The following NKD1 variants were observed in gnomAD, a reference collection of about 807,000 sequenced individuals.
NKD1 encodes the protein protein naked cuticle homolog 1.
NKD1 carries 21 observed loss-of-function variants against 56.0 expected under a neutral mutation model. The observed-to-expected ratio is 0.38, with a 90% CI of 0.27 to 0.54. The LOEUF is 0.54. Ranked by LOEUF, NKD1 falls within the 20% of genes least tolerant of loss-of-function variation. The probability of loss-of-function intolerance (pLI) is 0.82; values close to 1 mark genes in which losing one functional copy is unlikely to be tolerated. For synonymous variants in NKD1, 263 were observed against 265.7 expected, an observed-to-expected ratio of 0.99 and a Z score of 0.10; for missense variants, 578 against 642.7, an observed-to-expected ratio of 0.90 and a Z score of 1.09.
chr16:50,615,215 G>T (rs894142458), intron 4 of NKD1, among the ~76,000 whole-genome samples: 1 of 152,192 alleles, frequency 6.6e-6, no homozygotes, highest in Non-Finnish European at 1.5e-5. Flanking sequence ...TTGGGAAACT[G>T]GGATTTAGTT....
chr16:50,628,494 C>A (rs983779276), intron 6 of NKD1, among the ~76,000 whole-genome samples: 1 of 152,214 alleles, frequency 6.6e-6, no homozygotes, highest in African/African-American at 2.4e-5. Context: ...AAAATGTCTT[C>A]TCCAGAGGTT....
Position 50,630,812 on chromosome 16 carries a change from C to A in NKD1, c.611-14C>A. The A allele has an allele frequency of 1.9e-6, 3 of 1,579,548 alleles. No individual in the cohort carries two copies. Among genetic ancestry groups the A allele is most frequent in the Non-Finnish European group, 1.7e-6 (2 of 1,163,460 alleles). Reference sequence around the variant, plus strand: ...CTCACCTGGTGTCTCCTGTGCTTCTCGGGCCGGACTCAGACCTGCAGAGCG... The same window carrying A: ...CTCACCTGGTGTCTCCTGTGCTTCTAGGGCCGGACTCAGACCTGCAGAGCG... On this transcript the variant is annotated splice_polypyrimidine_tract_variant and intron_variant, in intron 7 of 9. Coordinates refer to ENST00000268459, the MANE Select transcript of NKD1 (RefSeq NM_033119.5).
At chr16:50,587,048 C>A (rs1024977997) in intron 3 of NKD1, among the ~76,000 whole-genome samples, 1 of 152,180 alleles carries the variant, frequency 6.6e-6, no homozygotes, top group African/African-American at 2.4e-5. Flanking sequence ...ATCAGCTCCA[C>A]GACTCGAAAG....
intron 3 of NKD1, among the ~76,000 whole-genome samples, chr16:50,568,676 C>T (rs1960817198): frequency 6.6e-6 from 1 of 152,100 alleles, no homozygotes; most frequent in African/African-American, 2.4e-5. Context: ...ATCTGGGCCT[C>T]CTTAGCAGGT....
At chr16:50,582,021 G>A (rs1412427172) in intron 3 of NKD1, among the ~76,000 whole-genome samples, 2 of 152,162 alleles carry the variant, frequency 1.3e-5, no homozygotes, top group Non-Finnish European at 2.9e-5. Context: ...GCTGTGTGTA[G>A]TTCTTGCCCA....
rs1962040960 is a variant in NKD1 at position 50,619,585 on chromosome 16, G to T, written c.260-2017G>T. ...GCCTCAGTTTTGAGAAAACTTAGCT[G>T]CTAACTGAGCTGTTCCCAGGAGTCA... is the stretch of plus-strand genomic sequence containing the variant. On this transcript the variant is annotated intron_variant, in intron 4 of 9. Coordinates refer to ENST00000268459, the MANE Select transcript of NKD1 (RefSeq NM_033119.5). 2.0e-5 allele frequency among the ~76,000 whole-genome samples: 3 copies of T among 152,192 alleles called. No homozygotes were observed. The South Asian group carries it at 6.2e-4, about 32-fold the overall frequency.
In NKD1 at chr16:50,633,343, C is replaced by T. The variant is rs149779305; in HGVS notation, c.975C>T (p.Ile325=). ...CCTTCCACTTCCTTGACACCCCAAT[C>T]GCCAAGGTCTCAGAGCTCCAGCAAC... The part of the protein sequence containing the change: ...PASFHFLDTP[I]AKVSELQQRL... The change falls in exon 10 of 10, where the codon ATC becomes ATT. Residue 325 remains isoleucine, a synonymous_variant. Coordinates refer to ENST00000268459, the MANE Select transcript of NKD1 (RefSeq NM_033119.5). This position sits in a 1 kb window ranked among gnomAD's most constrained non-coding sequence, Gnocchi z 4.9. 4.0e-5 allele frequency: 65 copies of T among 1,614,052 alleles called. 1 individual carries two copies. Among genetic ancestry groups the T allele is most frequent in the African/African-American group, 4.0e-5 (3 of 74,930 alleles).
At chr16:50,564,199 A>G (rs967439275) in intron 3 of NKD1, among the ~76,000 whole-genome samples, 4 of 152,186 alleles carry the variant, frequency 2.6e-5, no homozygotes, top group South Asian at 2.1e-4. Flanking sequence ...ATGGTGGGGA[A>G]TGATCATGGT....
chr16:50,617,192 C>T (rs1212567058), intron 4 of NKD1, among the ~76,000 whole-genome samples: 1 of 152,148 alleles, frequency 6.6e-6, no homozygotes, highest in Admixed American at 6.5e-5. Flanking sequence ...CCATTGGGCC[C>T]ATGGGGAGGC....
chr16:50,636,325 C>G lies in NKD1; in HGVS notation c.*2544C>G, dbSNP rs1284996823. 6 of 152,246 alleles carry G rather than the reference C, an allele frequency of 3.9e-5. No homozygotes were observed. Among genetic ancestry groups the G allele is most frequent in the African/African-American group, 1.4e-4 (6 of 41,468 alleles). The allele number at this position is 152,246 out of a possible 1,614,324, so 9.4% of individuals were successfully genotyped here. A position where few individuals can be genotyped will look rare whatever the true frequency, so the allele number is the denominator to read the frequency against. ...TCCTCTGCCTCCCTAAGCTCCACAC[C>G]TGTCAGGATTCTGTTACTTCTTGGT... is the stretch of plus-strand genomic sequence containing the variant. On this transcript the variant is annotated 3_prime_UTR_variant, in exon 10 of 10. Coordinates refer to ENST00000268459, the MANE Select transcript of NKD1 (RefSeq NM_033119.5).
chr16:50,566,264 C>T, intron 3 of NKD1: 2 of 742,564 alleles, frequency 2.7e-6, no homozygotes, highest in Non-Finnish European at 3.3e-6. Flanking sequence ...CTGGATCCAC[C>T]AGCCCAAACT....
At chr16:50,590,252 A>C (rs1373335623) in intron 3 of NKD1, among the ~76,000 whole-genome samples, 1 of 152,172 alleles carries the variant, frequency 6.6e-6, no homozygotes, top group African/African-American at 2.4e-5. Flanking sequence ...GCTTAACCTC[A>C]TCTCCCCATA....
Position 50,570,632 on chromosome 16 carries a change from G to A in NKD1, c.192+21077G>A, listed in dbSNP as rs535209127. Among the ~76,000 whole-genome samples, 25 of 152,346 alleles carry A rather than the reference G, an allele frequency of 1.6e-4. 1 individual carries two copies. The South Asian group carries it at 5.2e-3, about 32-fold the overall frequency. On this transcript the variant is annotated intron_variant, in intron 3 of 9. Transcript: ENST00000268459. ...GCTCGTGAAGCTGTCATGTAGATCA[G>A]ATGAGAATGCCTGTGAAACACTTAG...
In NKD1 at chr16:50,630,962, G is replaced by A; in HGVS notation, c.695+52G>A. ...TATGTTGAGCACCAGCTGTGTACCT[G>A]CTTCTGAAGGATTCAGAGCAGGAAG... On this transcript the variant is annotated intron_variant, in intron 8 of 9. Transcript: ENST00000268459. The A allele has an allele frequency of 2.8e-6, 4 of 1,422,218 alleles. 1 individual carries two copies. The South Asian group carries it at 5.1e-5, about 18-fold the overall frequency. The allele number at this position is 1,422,218 out of a possible 1,614,324, so 88.1% of individuals were successfully genotyped here.
At position 50,555,201 on chromosome 16, in the gene NKD1, G is replaced by A. The variant is rs555694602; in HGVS notation, c.192+5646G>A. ...GCTCAAGCTGCCCTGGTAGGATGGG[G>A]TTGGGGATTGCCGGGAGGCTTCTGT... On this transcript the variant is annotated intron_variant, in intron 3 of 9. Coordinates refer to ENST00000268459, the MANE Select transcript of NKD1 (RefSeq NM_033119.5). 2.2e-4 allele frequency among the ~76,000 whole-genome samples: 34 copies of A among 152,290 alleles called. No homozygotes were observed. The South Asian group carries it at 2.5e-3, about 11-fold the overall frequency.
Position 50,635,038 on chromosome 16 carries a change from A to G in NKD1, c.*1257A>G. On this transcript the variant is annotated 3_prime_UTR_variant, in exon 10 of 10. Coordinates refer to ENST00000268459, the MANE Select transcript of NKD1 (RefSeq NM_033119.5). The surrounding 1 kb of genome is among the most constrained non-coding windows in gnomAD (Gnocchi z 4.1). Reference sequence around the variant, plus strand: ...TAGCCAGGGTCTCAGAGAAAAGCAGATTACACACTCAAATTGGGTAATTTG... The same window carrying G: ...TAGCCAGGGTCTCAGAGAAAAGCAGGTTACACACTCAAATTGGGTAATTTG... 6.6e-6 allele frequency: 1 copy of G among 152,246 alleles called. No homozygotes were observed. The highest frequency in any genetic ancestry group is 2.1e-4 in the South Asian group (1 of 4,832). The allele number at this position is 152,246 out of a possible 1,614,324, so 9.4% of individuals were successfully genotyped here.
chr16:50,581,700 T>G (rs907723289), intron 3 of NKD1, among the ~76,000 whole-genome samples: 2 of 152,196 alleles, frequency 1.3e-5, no homozygotes. Flanking sequence ...CCCTGAGTAC[T>G]TTTGGGGCTT....
intron 3 of NKD1, among the ~76,000 whole-genome samples, chr16:50,561,177 T>G (rs910337808): frequency 1.3e-5 from 2 of 152,054 alleles, no homozygotes; most frequent in African/African-American, 4.8e-5. Flanking sequence ...GGCCCATGGC[T>G]TCTCCCCTGA....
chr16:50,595,098 A>C (rs989884729), intron 3 of NKD1, among the ~76,000 whole-genome samples: 1 of 152,196 alleles, frequency 6.6e-6, no homozygotes, highest in African/African-American at 2.4e-5. Context: ...AGCCCTTGGC[A>C]GTCAGGGTGT....
Sources: gnomAD v4.1 joint callset for allele counts (sites outside exome capture counted in the v4.1 genomes callset) on GRCh38, gnomAD v4.1.1 for gene constraint, Gnocchi (gnomAD v3.1) non-coding constraint, MANE v1.5 for transcripts, NCBI Gene and HGNC (gene_info 2026-07-23, HGNC 2026-07-21) for gene names.